The following TULP3 variants were observed in gnomAD, a reference collection of about 807,000 sequenced individuals.
TULP3 encodes tubby-related protein 3.
A neutral mutation model predicts 50.7 loss-of-function variants in TULP3; 38 were observed. That is an observed-to-expected ratio of 0.75 (90% confidence interval 0.58 to 0.98). The LOEUF (loss-of-function observed/expected upper bound fraction) is 0.98. Among genes scored for constraint, TULP3 ranks in the 50% least tolerant of loss-of-function variants. The pLI is 0.00. For synonymous variants in TULP3, 183 were observed against 196.6 expected (o/e 0.93, Z 0.58); for missense variants, 550 against 568.0 (o/e 0.97, Z 0.32).
intron 1 of TULP3, among the ~76,000 whole-genome samples, chr12:2,901,616 C>G (rs2098179337): frequency 6.6e-6 from 1 of 151,950 alleles, no homozygotes; most frequent in South Asian, 2.1e-4. Context: ...CTCCTGGCCT[C>G]AAGTCATATG....
intron 1 of TULP3, among the ~76,000 whole-genome samples, chr12:2,903,662 A>G (rs759422086): frequency 6.6e-6 from 1 of 152,180 alleles, no homozygotes; most frequent in Non-Finnish European, 1.5e-5. Flanking sequence ...TTCATCACTA[A>G]TATTTTTTAT....
chr12:2,890,938 G>C lies in TULP3; in HGVS notation c.-10G>C. Reference sequence around the variant, plus strand: ...GTGTGTACGTGGTGGGGGCTTCCTCGGTGGCGGGCATGGAGGCTTCGCGCT... The same window carrying C: ...GTGTGTACGTGGTGGGGGCTTCCTCCGTGGCGGGCATGGAGGCTTCGCGCT... On this transcript the variant is annotated 5_prime_UTR_variant, in exon 1 of 11. Transcript: ENST00000448120. The C allele has an allele frequency of 6.3e-7, 1 of 1,595,864 alleles. No individual in the cohort carries two copies. The highest frequency in any genetic ancestry group is 8.5e-7 in the Non-Finnish European group (1 of 1,171,436).
chr12:2,935,530 A>G (rs1230956224), intron 8 of TULP3, among the ~76,000 whole-genome samples: 1 of 152,236 alleles, frequency 6.6e-6, no homozygotes, highest in Non-Finnish European at 1.5e-5. Context: ...GCAAGAAGGA[A>G]TTGACCCATC....
intron 2 of TULP3, among the ~76,000 whole-genome samples, chr12:2,909,919 C>T (rs371200816): frequency 3.9e-5 from 6 of 152,316 alleles, no homozygotes; most frequent in East Asian, 3.9e-4. Context: ...TACCTCTCTA[C>T]GATGTCATTT....
chr12:2,893,575 C>T (rs2098173588), intron 1 of TULP3, among the ~76,000 whole-genome samples: 1 of 152,130 alleles, frequency 6.6e-6, no homozygotes, highest in East Asian at 1.9e-4. Flanking sequence ...CCCGCCTCGG[C>T]CTCCCAAAGT....
intron 4 of TULP3, among the ~76,000 whole-genome samples, chr12:2,925,117 G>A (rs1001434423): frequency 2.6e-5 from 4 of 150,980 alleles, no homozygotes; most frequent in Admixed American, 2.0e-4. Context: ...GCAGTGAGCC[G>A]AGATCACGCC....
chr12:2,920,176 T>C (rs1194658544), intron 2 of TULP3, among the ~76,000 whole-genome samples: 1 of 152,190 alleles, frequency 6.6e-6, no homozygotes, highest in Non-Finnish European at 1.5e-5. Context: ...TTGATAATGC[T>C]ATGATGATTC....
intron 1 of TULP3, among the ~76,000 whole-genome samples, chr12:2,895,624 C>G (rs762044719): frequency 1.3e-5 from 2 of 152,208 alleles, no homozygotes; most frequent in Non-Finnish European, 2.9e-5. Flanking sequence ...GTTAATAGCT[C>G]TTTCCACAAT....
chr12:2,915,053 A>G lies in TULP3; in HGVS notation c.93+5473A>G, dbSNP rs371430187. Among the ~76,000 whole-genome samples the G allele has an allele frequency of 1.4e-4, 22 of 152,038 alleles. 1 individual carries two copies. The East Asian group carries it at 3.1e-3, about 21-fold the overall frequency. On this transcript the variant is annotated intron_variant, in intron 2 of 10. Coordinates refer to ENST00000448120, the MANE Select transcript of TULP3 (RefSeq NM_003324.5). Reference sequence around the variant, plus strand: ...GCCCAGGCTGGAGTGTAGTGGCATGATCTTGGCTCACTGCAACCTCTGCCT... The same window carrying G: ...GCCCAGGCTGGAGTGTAGTGGCATGGTCTTGGCTCACTGCAACCTCTGCCT...
chr12:2,933,296 C>T, intron 6 of TULP3, 122 bp from the exon 7 acceptor site: 1 of 630,520 alleles, frequency 1.6e-6, no homozygotes, highest in South Asian at 1.9e-5. Flanking sequence ...CAAAGATTAA[C>T]AGCTTGACAT....
At chr12:2,902,275 A>G (rs186599871) in intron 1 of TULP3, among the ~76,000 whole-genome samples, 2 of 152,328 alleles carry the variant, frequency 1.3e-5, no homozygotes, top group Non-Finnish European at 2.9e-5. Flanking sequence ...AAAAACATCA[A>G]TTTGTGATGT....
chr12:2,936,130 C>A (rs368364461), intron 8 of TULP3, among the ~76,000 whole-genome samples: 2 of 152,126 alleles, frequency 1.3e-5, no homozygotes, highest in Non-Finnish European at 1.5e-5. Context: ...ATTAGCCAGG[C>A]GTGGTGGCAG....
At chr12:2,903,284 C>T (rs772172721) in intron 1 of TULP3, among the ~76,000 whole-genome samples, 4 of 151,544 alleles carry the variant, frequency 2.6e-5, no homozygotes, top group African/African-American at 7.3e-5. Context: ...AAAATTTGGC[C>T]GGGCACGGTG....
At chr12:2,898,284 T>C (rs1214330938) in intron 1 of TULP3, among the ~76,000 whole-genome samples, 6 of 152,074 alleles carry the variant, frequency 3.9e-5, no homozygotes, top group Non-Finnish European at 7.4e-5. Flanking sequence ...AATGGGGACT[T>C]ACAATTAGTT....
In TULP3 at chr12:2,922,394, A is replaced by C. The variant is rs767825622; in HGVS notation, c.386A>C (p.Gln129Pro). ...AAGCCAGGACTTCAGGAGCGTCTCC[A>C]AAAGCATGGTGAGGACTGGTAATGA... ...ASKPGLQERL[Q>P]KHDISESVNF... The change falls in exon 4 of 11, where the codon CAA becomes CCA. Residue 129 changes from glutamine (Q) to proline (P), a missense_variant. Coordinates refer to ENST00000448120, the MANE Select transcript of TULP3 (RefSeq NM_003324.5). 2 of 1,612,510 alleles carry C rather than the reference A, an allele frequency of 1.2e-6. No individual in the cohort carries two copies. Among genetic ancestry groups the C allele is most frequent in the African/African-American group, 2.7e-5 (2 of 74,828 alleles).
chr12:2,908,068 G>C (rs1462909404), intron 1 of TULP3, among the ~76,000 whole-genome samples: 1 of 152,170 alleles, frequency 6.6e-6, no homozygotes, highest in African/African-American at 2.4e-5. Flanking sequence ...TGAAGAGGAA[G>C]AATCTTTGAG....
At chr12:2,910,015 G>T (rs766582331) in intron 2 of TULP3, among the ~76,000 whole-genome samples, 3 of 152,142 alleles carry the variant, frequency 2.0e-5, no homozygotes, top group Non-Finnish European at 4.4e-5. Flanking sequence ...TCGCAGGGCC[G>T]GGCACAGTGG....
chr12:2,909,718 A>G, intron 2 of TULP3, 138 bp downstream of exon 2: 4 of 885,816 alleles, frequency 4.5e-6, no homozygotes, highest in South Asian at 1.5e-5. Context: ...CCTGTGAAGC[A>G]GTGTCTGGAG....
intron 2 of TULP3, 72 bp from the exon 3 acceptor site, chr12:2,920,691 A>C (rs1310631180): frequency 1.7e-5 from 27 of 1,556,080 alleles, no homozygotes; most frequent in Admixed American, 3.9e-5. Flanking sequence ...TGAAAAACAA[A>C]CTGGGCATGT....
Sources: allele counts gnomAD v4.1 joint callset (sites outside exome capture counted in the v4.1 genomes callset), GRCh38; gene constraint gnomAD v4.1.1; transcripts MANE v1.5; gene names NCBI Gene and HGNC (gene_info 2026-07-23, HGNC 2026-07-21).